The following TGM1 variants were observed in gnomAD, a reference collection of about 807,000 sequenced individuals.
TGM1 encodes transglutaminase 1.
A neutral mutation model predicts 88.7 loss-of-function variants in TGM1; 63 were observed. The ratio of observed to expected loss-of-function variants is 0.71; its 90% CI spans 0.58 to 0.88. TGM1 has a LOEUF of 0.88. Among genes scored for constraint, TGM1 ranks in the 40% least tolerant of loss-of-function variants. The pLI, the probability that TGM1 is intolerant of heterozygous loss-of-function variation, is 0.00. For missense variants in TGM1, 996 were observed against 1,118.0 expected (o/e 0.89, Z 1.56); for synonymous variants, 415 against 431.1 (o/e 0.96, Z 0.46).
At chr14:24,251,824 A>C (rs1183419591) in intron 14 of TGM1, among the ~76,000 whole-genome samples, 1 of 152,188 alleles carries the variant, frequency 6.6e-6, no homozygotes, top group African/African-American at 2.4e-5. Context: ...TTGTTCACTT[A>C]TCTTATTAAT....
chr14:24,261,953 C>T, intron 2 of TGM1, 70 bp from the exon 3 acceptor site: 8 of 1,604,164 alleles, frequency 5.0e-6, no homozygotes, highest in South Asian at 3.3e-5. Context: ...AGCTTCCTAT[C>T]CCCCCCAGAA....
Position 24,261,744 on chromosome 14 carries a change from C to CAT in TGM1, c.458_459insAT (p.Ser154CysfsTer29). The stretch of plus-strand genomic sequence containing the variant: ...GATCAGAGGATTCATAGGTCCGGGA[C>CAT]AGGAGGAGGAGCATATGGAAAGGCT... On this transcript the variant is annotated frameshift_variant, in exon 3 of 15. Transcript: ENST00000206765. LOFTEE classifies it high-confidence loss of function. The CAT allele has an allele frequency of 6.2e-7, 1 of 1,614,076 alleles. No individual in the cohort carries two copies. The highest frequency in any genetic ancestry group is 8.5e-7 in the Non-Finnish European group (1 of 1,180,012).
Position 24,260,523 on chromosome 14 carries a change from T to C in TGM1, c.684A>G (p.Ser228=), listed in dbSNP as rs369162984. ...GKFQFTVRTQ[S]DAGEFQLPFD... is the part of the protein sequence containing the mutation. ...AGGGCAACTGGAACTCCCCAGCGTC[T>C]GATTGTGTGCGGACTGTGAACTGAA... The change falls in exon 4 of 15, where the codon TCA becomes TCG. Residue 228 remains serine (S), a synonymous_variant. Transcript: ENST00000206765. 6 of 1,614,120 alleles carry C rather than the reference T, an allele frequency of 3.7e-6. No individual in the cohort carries two copies. The highest frequency in any genetic ancestry group is 4.2e-6 in the Non-Finnish European group (5 of 1,180,046).
chr14:24,259,684 A>C lies in TGM1; in HGVS notation c.984+20T>G. ...AGCAGGCACACACACAGTAGGACTCAGAGATGTGAGGGTGCTCACCATGGC... is the reference window on the plus strand; with the variant it reads ...AGCAGGCACACACACAGTAGGACTCCGAGATGTGAGGGTGCTCACCATGGC... On this transcript the variant is annotated intron_variant, in intron 6 of 14. Transcript: ENST00000206765. This position sits in a 1 kb window ranked among gnomAD's most constrained non-coding sequence, Gnocchi z 5.7. The C allele has an allele frequency of 1.3e-6, 2 of 1,594,112 alleles. No homozygotes were observed. The highest frequency in any genetic ancestry group is 1.7e-6 in the Non-Finnish European group (2 of 1,166,624).
chr14:24,255,982 C>G lies in TGM1; in HGVS notation c.1491+7G>C. 6.4e-7 allele frequency: 1 copy of G among 1,555,670 alleles called. No individual in the cohort carries two copies. The highest frequency in any genetic ancestry group is 8.7e-7 in the Non-Finnish European group (1 of 1,148,386). On this transcript the variant is annotated splice_region_variant and intron_variant, in intron 10 of 14. Coordinates refer to ENST00000206765, the MANE Select transcript of TGM1 (RefSeq NM_000359.3). This position sits in a 1 kb window ranked among gnomAD's most constrained non-coding sequence, Gnocchi z 4.0. ...GCCCAAGAAGGCACCTGGAGCCCAGCCCTCACCTCAGCAAAAATGAAAGGC... is the reference window on the plus strand; with the variant it reads ...GCCCAAGAAGGCACCTGGAGCCCAGGCCTCACCTCAGCAAAAATGAAAGGC...
Position 24,255,412 on chromosome 14 carries a change from T to C in TGM1, c.1597A>G (p.Ser533Gly). The C allele has an allele frequency of 6.2e-7, 1 of 1,614,182 alleles. No individual in the cohort carries two copies. Among genetic ancestry groups the C allele is most frequent in the Non-Finnish European group, 8.5e-7 (1 of 1,180,036 alleles). Residue 533 changes from serine (S) to glycine (G), a missense_variant, in exon 11 of 15, where the codon AGC (serine) becomes GGC (glycine). Physicochemically the swap from Ser to Gly is moderately conservative, Grantham distance 56. Coordinates refer to ENST00000206765, the MANE Select transcript of TGM1 (RefSeq NM_000359.3). The surrounding 1 kb of genome is among the most constrained non-coding windows in gnomAD (Gnocchi z 4.0). ...GTGATGTCCTCCCGCATGTTGGAGC[T>C]GATGGCCTTTGTGACAATGAGTGTG... ...IGTLIVTKAI[S>G]SNMREDITYL...
intron 12 of TGM1, 44 bp downstream of exon 12, chr14:24,254,928 G>A (rs769204455): frequency 1.2e-6 from 2 of 1,613,076 alleles, no homozygotes; most frequent in South Asian, 1.1e-5. Flanking sequence ...CAGCCCTGAG[G>A]TGCCCAGCCA....
intron 4 of TGM1, 88 bp from the exon 5 acceptor site, chr14:24,260,146 C>T (rs1229178207): frequency 8.0e-7 from 1 of 1,247,032 alleles, no homozygotes; most frequent in East Asian, 2.3e-5. Flanking sequence ...GGACTCATGT[C>T]CACAGAAGAA....
At chr14:24,258,972 G>A in intron 7 of TGM1, 103 bp downstream of exon 7, 1 of 1,372,408 alleles carries the variant, frequency 7.3e-7, no homozygotes, top group Non-Finnish European at 1.0e-6. Flanking sequence ...ACCCCCGCCT[G>A]CACCCTGCAC....
Position 24,259,153 on chromosome 14 carries a change from T to C in TGM1, c.1081A>G (p.Ile361Val), listed in dbSNP as rs757682828. The change falls in exon 7 of 15, where the codon ATC becomes GTC. Residue 361 changes from isoleucine to valine, a missense_variant. Physicochemically the swap from Ile to Val is conservative, Grantham distance 29. Coordinates refer to ENST00000206765, the MANE Select transcript of TGM1 (RefSeq NM_000359.3). This position sits in a 1 kb window ranked among gnomAD's most constrained non-coding sequence, Gnocchi z 5.7. Reference sequence around the variant, plus strand: ...CCCGTGCGTAGGTAGCTAAGCAGGATCTCCACGCTGCCCACCCACGCTGAT... The same window carrying C: ...CCCGTGCGTAGGTAGCTAAGCAGGACCTCCACGCTGCCCACCCACGCTGAT... Reference protein sequence around the residue: ...NPSAWVGSVEILLSYLRTGYS... With the variant: ...NPSAWVGSVEVLLSYLRTGYS... 10 of 1,613,996 alleles carry C rather than the reference T, an allele frequency of 6.2e-6. No individual in the cohort carries two copies. The Admixed American group carries it at 6.7e-5, about 11-fold the overall frequency.
Position 24,260,769 on chromosome 14 carries a change from C to T in TGM1, c.509-71G>A, listed in dbSNP as rs2040802369. 4.4e-6 allele frequency: 7 copies of T among 1,604,260 alleles called. No individual in the cohort carries two copies. In the Admixed American group the frequency reaches 1.2e-4, roughly 27 times the overall value. Reference sequence around the variant, plus strand: ...GAGGGGATGGAGCCTGGGACTTCTCCCGGCCCCACCCACAATGTGTATGAG... The same window carrying T: ...GAGGGGATGGAGCCTGGGACTTCTCTCGGCCCCACCCACAATGTGTATGAG... On this transcript the variant is annotated intron_variant, in intron 3 of 14. Coordinates refer to ENST00000206765, the MANE Select transcript of TGM1 (RefSeq NM_000359.3).
chr14:24,253,428 G>A lies in TGM1; in HGVS notation c.2225+724C>T, dbSNP rs866860827. On this transcript the variant is annotated intron_variant, in intron 14 of 14. Transcript: ENST00000206765. ...CGTATCATTAGGATTCCAAAACTTC[G>A]CTTGTGTGTGTGTGTCTCTGTGTGT... Among the ~76,000 whole-genome samples the A allele has an allele frequency of 7.2e-5, 11 of 152,098 alleles. No homozygotes were observed. In the Middle Eastern group the frequency reaches 0.01, roughly 141 times the overall value.
intron 14 of TGM1, among the ~76,000 whole-genome samples, chr14:24,251,686 C>T (rs1183841585): frequency 2.0e-5 from 3 of 152,218 alleles, no homozygotes; most frequent in Non-Finnish European, 4.4e-5. Flanking sequence ...ATGTTTAAAA[C>T]TCCTCCTGGA....
At position 24,255,490 on chromosome 14, in the gene TGM1, G is replaced by A. The variant is rs200829531; in HGVS notation, c.1519C>T (p.Arg507Trp). The A allele has an allele frequency of 8.4e-5, 136 of 1,613,764 alleles. No homozygotes were observed. The highest frequency in any genetic ancestry group is 2.2e-4 in the Admixed American group (13 of 60,022). The stretch of plus-strand genomic sequence containing the variant: ...ATCTTGAAGCTGCCATCATCCTGCC[G>A]CTGCCAGTACACCTTGTCACTATTC... ...EVNSDKVYWQ[R>W]QDDGSFKIVY... Residue 507 changes from arginine to tryptophan, a missense_variant, in exon 11 of 15, where the codon CGG becomes TGG. Coordinates refer to ENST00000206765, the MANE Select transcript of TGM1 (RefSeq NM_000359.3). The surrounding 1 kb of genome is among the most constrained non-coding windows in gnomAD (Gnocchi z 4.0).
intron 1 of TGM1, among the ~76,000 whole-genome samples, chr14:24,262,793 A>G (rs1026652256): frequency 1.3e-5 from 2 of 152,222 alleles, no homozygotes; most frequent in African/African-American, 4.8e-5. Flanking sequence ...CTCATTTCTT[A>G]GCAGAAATCC....
chr14:24,254,730 C>G lies in TGM1; in HGVS notation c.2022G>C (p.Lys674Asn). The change falls in exon 13 of 15, where the codon AAG becomes AAC. Residue 674 changes from lysine to asparagine, a missense_variant. Transcript: ENST00000206765. ...AMLLNVSGHVKESGQVLAKQH... is the reference protein window; with the variant it reads ...AMLLNVSGHVNESGQVLAKQH... ...GCTTGGCCAGCACCTGCCCGCTCTC[C>G]TTGACGTGGCCTGAGACATTGAGCA... is the stretch of plus-strand genomic sequence containing the variant. 1 of 1,614,080 alleles carries G rather than the reference C, an allele frequency of 6.2e-7. No homozygotes were observed. Among genetic ancestry groups the G allele is most frequent in the South Asian group, 1.1e-5 (1 of 91,090 alleles).
chr14:24,261,608 G>A (rs1594573626), intron 3 of TGM1, 87 bp downstream of exon 3: 1 of 1,518,634 alleles, frequency 6.6e-7, no homozygotes, highest in Non-Finnish European at 9.1e-7. Context: ...GGGGCAGGGA[G>A]GAGCCTAAAG....
Position 24,255,225 on chromosome 14 carries a change from C to G in TGM1, c.1674G>C (p.Glu558Asp), listed in dbSNP as rs1373236187. 1 of 1,613,724 alleles carries G rather than the reference C, an allele frequency of 6.2e-7. No homozygotes were observed. The highest frequency in any genetic ancestry group is 8.5e-7 in the Non-Finnish European group (1 of 1,180,040). ...EGSDAERKAVETAAAHGSKPN... is the reference protein window; with the variant it reads ...EGSDAERKAVDTAAAHGSKPN... The stretch of plus-strand genomic sequence containing the variant: ...GTTTGCTGCCGTGGGCTGCTGCTGT[C>G]TCTACTGCCTTCCGCTCTGCGTCTG... Residue 558 changes from glutamate (E) to aspartate (D), a missense_variant, in exon 12 of 15, where the codon GAG becomes GAC. Coordinates refer to ENST00000206765, the MANE Select transcript of TGM1 (RefSeq NM_000359.3). The surrounding 1 kb of genome is among the most constrained non-coding windows in gnomAD (Gnocchi z 4.0).
In TGM1 at chr14:24,263,125, G is replaced by A. The variant is rs1290047446; in HGVS notation, c.-39C>T. 5 of 153,528 alleles carry A rather than the reference G, an allele frequency of 3.3e-5. No homozygotes were observed. Among genetic ancestry groups the A allele is most frequent in the Admixed American group, 1.9e-4 (3 of 15,462 alleles). 9.5% of individuals were successfully genotyped at this position (153,528 alleles called of 1,614,324 possible). On this transcript the variant is annotated 5_prime_UTR_variant, in exon 1 of 15. Coordinates refer to ENST00000206765, the MANE Select transcript of TGM1 (RefSeq NM_000359.3). The stretch of plus-strand genomic sequence containing the variant: ...GTTGGCAACCGCAGTACTGAGTCCT[G>A]GGGCTGAGATGGAACAGGTCAGGAT...
Sources: allele counts gnomAD v4.1 joint callset (sites outside exome capture counted in the v4.1 genomes callset), GRCh38; gene constraint gnomAD v4.1.1; non-coding constraint Gnocchi (gnomAD v3.1); transcripts MANE v1.5; gene names NCBI Gene and HGNC (gene_info 2026-07-23, HGNC 2026-07-21).